AFG2A: variants seen among roughly 807,000 people sequenced by gnomAD.
The protein encoded by AFG2A is AAA ATPase AFG2A.
the AFG2A span, among the ~76,000 whole-genome samples, chr4:123,260,636 A>G: frequency 6.6e-6 from 1 of 152,234 alleles, no homozygotes; most frequent in African/African-American, 2.4e-5. Flanking sequence ...TTGTGATAGT[A>G]TTCCCCAAAC....
chr4:123,160,614 G>A, the AFG2A span, among the ~76,000 whole-genome samples: 1 of 152,078 alleles, frequency 6.6e-6, no homozygotes, highest in Non-Finnish European at 1.5e-5. Context: ...TTTGTCCCTT[G>A]CTAAATTCCT....
the AFG2A span, among the ~76,000 whole-genome samples, chr4:123,196,251 C>A: frequency 6.8e-6 from 1 of 147,888 alleles, no homozygotes; most frequent in Non-Finnish European, 1.5e-5. Context: ...CCTCGTGATC[C>A]GCCCACCTTG....
chr4:123,127,115 G>A, the AFG2A span, among the ~76,000 whole-genome samples: 3 of 152,128 alleles, frequency 2.0e-5, no homozygotes, highest in African/African-American at 7.2e-5. Context: ...CAGGAGGATT[G>A]CTAGCTAGAT....
At chr4:123,053,707 G>C in the AFG2A span, among the ~76,000 whole-genome samples, 1 of 152,180 alleles carries the variant, frequency 6.6e-6, no homozygotes, top group African/African-American at 2.4e-5. Context: ...ACTGCAGCAG[G>C]AGGGGCTGGA....
chr4:123,007,999 G>GT, the AFG2A span, among the ~76,000 whole-genome samples: 4 of 151,804 alleles, frequency 2.6e-5, no homozygotes, highest in African/African-American at 9.7e-5. Context: ...TTTTTGTTTT[G>GT]TTTTTTCCAG....
the AFG2A span, among the ~76,000 whole-genome samples, chr4:123,207,670 A>C: frequency 6.6e-6 from 1 of 152,172 alleles, no homozygotes; most frequent in Non-Finnish European, 1.5e-5. Flanking sequence ...AATTAAGAAA[A>C]CAGTTGCATT....
At chr4:123,255,304 C>T in the AFG2A span, among the ~76,000 whole-genome samples, 2 of 151,200 alleles carry the variant, frequency 1.3e-5, no homozygotes, top group Non-Finnish European at 2.9e-5. Flanking sequence ...GCAGATCGAA[C>T]GCCTGAGGTC....
the AFG2A span, among the ~76,000 whole-genome samples, chr4:123,163,207 G>C: frequency 6.6e-6 from 1 of 152,138 alleles, no homozygotes; most frequent in Non-Finnish European, 1.5e-5. Context: ...AGGCCGAGGC[G>C]GGTGGATCAC....
chr4:123,136,323 C>G, the AFG2A span, among the ~76,000 whole-genome samples: 2 of 151,278 alleles, frequency 1.3e-5, no homozygotes, highest in Non-Finnish European at 2.9e-5. Flanking sequence ...CACCTGAGGT[C>G]GGGAGTTTTA....
At chr4:123,253,804 T>A in the AFG2A span, among the ~76,000 whole-genome samples, 49 of 152,262 alleles carry the variant, frequency 3.2e-4, no homozygotes, top group African/African-American at 1.0e-3. Context: ...CTTTCCAAAG[T>A]GGTTGTTCTA....
chr4:122,958,126 G>A, the AFG2A span, among the ~76,000 whole-genome samples: 7 of 152,184 alleles, frequency 4.6e-5, no homozygotes, highest in Non-Finnish European at 8.8e-5. Context: ...GAACTCTGAA[G>A]TGGTTATTCC....
At chr4:123,190,666 A>T in the AFG2A span, among the ~76,000 whole-genome samples, 8 of 152,254 alleles carry the variant, frequency 5.3e-5, no homozygotes, top group Non-Finnish European at 1.0e-4. Flanking sequence ...ATTGACTAAG[A>T]CAGAAGGAGA....
At chr4:123,205,423 G>A in the AFG2A span, among the ~76,000 whole-genome samples, 1 of 150,642 alleles carries the variant, frequency 6.6e-6, no homozygotes, top group South Asian at 2.1e-4. Flanking sequence ...TGGATTCAAC[G>A]AATCAAGGGT....
the AFG2A span, among the ~76,000 whole-genome samples, chr4:123,055,842 A>G: frequency 1.0e-3 from 152 of 152,358 alleles, no homozygotes; most frequent in African/African-American, 3.2e-3. Context: ...TCATTATGGG[A>G]CAATTTAATT....
the AFG2A span, among the ~76,000 whole-genome samples, chr4:122,953,300 G>T: frequency 7.2e-5 from 11 of 152,162 alleles, no homozygotes; most frequent in African/African-American, 2.4e-4. Context: ...GGTTTTGGTG[G>T]CAGTCTCTCA....
At chr4:123,083,245 T>C in the AFG2A span, among the ~76,000 whole-genome samples, 3 of 152,130 alleles carry the variant, frequency 2.0e-5, no homozygotes, top group African/African-American at 7.2e-5. Flanking sequence ...CACCATTAAG[T>C]GTGATGTTAG....
chr4:123,225,818 C>T, the AFG2A span, among the ~76,000 whole-genome samples: 6 of 152,172 alleles, frequency 3.9e-5, no homozygotes, highest in East Asian at 1.9e-4. Context: ...GCCATTTTCA[C>T]GATATTGATT....
chr4:123,136,621 C>T, the AFG2A span, among the ~76,000 whole-genome samples: 1 of 151,796 alleles, frequency 6.6e-6, no homozygotes, highest in South Asian at 2.1e-4. Flanking sequence ...TTGCAGTGAG[C>T]CGAGATCGCA....
At chr4:122,924,918 T>C in the AFG2A span, among the ~76,000 whole-genome samples, 1 of 152,214 alleles carries the variant, frequency 6.6e-6, no homozygotes, top group African/African-American at 2.4e-5. Context: ...AATAAAAGCT[T>C]CTATATACTT....
Sources: gnomAD v4.1 joint callset for allele counts (sites outside exome capture counted in the v4.1 genomes callset) on GRCh38, gnomAD v4.1.1 for gene constraint, MANE v1.5 for transcripts, NCBI Gene and HGNC (gene_info 2026-07-23, HGNC 2026-07-21) for gene names.